Variants in RBBP4 observed in about 807,000 individuals in gnomAD.
The protein encoded by RBBP4 is RB binding protein 4, chromatin remodeling factor.
A neutral mutation model predicts 57.2 loss-of-function variants in RBBP4; 3 were observed. The observed-to-expected ratio is 0.05, with a 90% confidence interval of 0.02 to 0.14. RBBP4 has a LOEUF of 0.14. RBBP4 is among the 10% of genes least tolerant of loss of function. The probability of loss-of-function intolerance (pLI) is 1.00; values close to 1 mark genes in which losing one functional copy is unlikely to be tolerated. For synonymous variants in RBBP4, 151 were observed against 171.5 expected (o/e 0.88, Z 0.93); for missense variants, 107 against 520.6 (o/e 0.21, Z 7.73).
In RBBP4 at chr1:32,686,207, G is replaced by T. The variant is rs1649820456; in HGVS notation, c.*6502G>T. ...GTTGGGTTAAATAAAATGCATTAAAGTTAATTTCATCTGTTTCTTTTTTTA... is the reference window on the plus strand; with the variant it reads ...GTTGGGTTAAATAAAATGCATTAAATTTAATTTCATCTGTTTCTTTTTTTA... On this transcript the variant is annotated 3_prime_UTR_variant, in exon 12 of 12. Coordinates refer to ENST00000373493, the MANE Select transcript of RBBP4 (RefSeq NM_005610.3). 1 of 152,186 alleles carries T rather than the reference G, an allele frequency of 6.6e-6. No individual in the cohort carries two copies. Among genetic ancestry groups the T allele is most frequent in the African/African-American group, 2.4e-5 (1 of 41,446 alleles). 9.4% of individuals were successfully genotyped at this position (152,186 alleles called of 1,614,324 possible). A position where few individuals can be genotyped will look rare whatever the true frequency, so the allele number is the denominator to read the frequency against.
chr1:32,673,921 A>G (rs1177737603), intron 11 of RBBP4, among the ~76,000 whole-genome samples: 1 of 151,268 alleles, frequency 6.6e-6, no homozygotes, highest in Non-Finnish European at 1.5e-5. Context: ...ACACAGTGAA[A>G]CCCCATCTGT....
intron 11 of RBBP4, among the ~76,000 whole-genome samples, chr1:32,676,864 TC>T (rs1419421003): frequency 6.6e-6 from 1 of 151,614 alleles, no homozygotes; most frequent in Non-Finnish European, 1.5e-5. Context: ...GCTAGCGTGA[TC>T]CCAGGAGGCA....
In RBBP4 at chr1:32,657,624, T is replaced by C. The variant is rs139787368; in HGVS notation, c.310+52T>C. On this transcript the variant is annotated intron_variant, in intron 3 of 11. Transcript: ENST00000373493. The stretch of plus-strand genomic sequence containing the variant: ...AAAGATGTGTGGGTCATATCTGTTA[T>C]GTGCACTTTGATAAAGTAAACTCTG... 10 of 1,555,264 alleles carry C rather than the reference T, an allele frequency of 6.4e-6. No homozygotes were observed. The African/African-American group carries it at 8.2e-5, about 13-fold the overall frequency.
Position 32,684,636 on chromosome 1 carries a change from AG to A in RBBP4, c.*4934del, listed in dbSNP as rs1180829772. 2.2e-6 allele frequency: 1 copy of A among 461,296 alleles called. No individual in the cohort carries two copies. Among genetic ancestry groups the A allele is most frequent in the African/African-American group, 2.0e-5 (1 of 50,630 alleles). 28.6% of individuals were successfully genotyped at this position (461,296 alleles called of 1,614,324 possible). On this transcript the variant is annotated 3_prime_UTR_variant, in exon 12 of 12. Coordinates refer to ENST00000373493, the MANE Select transcript of RBBP4 (RefSeq NM_005610.3). ...CAGCTTGCTTTAATAGAATCCTGGG[AG>A]GGTGATTGGGACTTTTTAGTATTAC...
chr1:32,663,776 C>T (rs12410104), intron 3 of RBBP4, among the ~76,000 whole-genome samples: 16,793 of 151,382 alleles, frequency 0.11, 1,717 homozygotes, highest in African/African-American at 0.26. Flanking sequence ...CGGGGTTTCA[C>T]GGTGTTAGCC....
rs552726162 is a variant in RBBP4 at position 32,685,011 on chromosome 1, C to CTTT, written c.*5310_*5312dup. 1 of 147,184 alleles carries CTTT rather than the reference C, an allele frequency of 6.8e-6. No homozygotes were observed. Among genetic ancestry groups the CTTT allele is most frequent in the African/African-American group, 2.7e-5 (1 of 37,606 alleles). 9.1% of individuals were successfully genotyped at this position (147,184 alleles called of 1,614,324 possible). On this transcript the variant is annotated 3_prime_UTR_variant, in exon 12 of 12. Coordinates refer to ENST00000373493, the MANE Select transcript of RBBP4 (RefSeq NM_005610.3). Reference sequence around the variant, plus strand: ...TATCCTATTGCTAATTTCCTGCATCCTTTTTTCTTCTTTATTTTTGTATAG... The same window carrying CTTT: ...TATCCTATTGCTAATTTCCTGCATCCTTTTTTTTTCTTCTTTATTTTTGTATAG...
chr1:32,668,319 G>A lies in RBBP4; in HGVS notation c.405G>A (p.Gln135=), dbSNP rs1302460777. ...TAAACAGGGCCCGTTATATGCCCCA[G>A]AACCCTTGTATCATCGCAACAAAGA... ...GEVNRARYMP[Q]NPCIIATKTP... The change falls in exon 4 of 12, where the codon CAG becomes CAA. Residue 135 remains glutamine, a synonymous_variant. Coordinates refer to ENST00000373493, the MANE Select transcript of RBBP4 (RefSeq NM_005610.3). 13 of 1,609,954 alleles carry A rather than the reference G, an allele frequency of 8.1e-6. No homozygotes were observed. The highest frequency in any genetic ancestry group is 1.1e-5 in the Non-Finnish European group (13 of 1,176,356).
chr1:32,666,285 C>T (rs1390326968), intron 3 of RBBP4, among the ~76,000 whole-genome samples: 3 of 152,114 alleles, frequency 2.0e-5, no homozygotes, highest in African/African-American at 7.2e-5. Context: ...ACACTGTGTA[C>T]TTAATATTCA....
chr1:32,655,468 C>T (rs934952283), intron 2 of RBBP4, among the ~76,000 whole-genome samples: 1 of 152,190 alleles, frequency 6.6e-6, no homozygotes, highest in Non-Finnish European at 1.5e-5. Flanking sequence ...GTCTAACCTT[C>T]TACATACAGG....
At chr1:32,677,625 C>T (rs1241692584) in intron 11 of RBBP4, among the ~76,000 whole-genome samples, 2 of 152,058 alleles carry the variant, frequency 1.3e-5, no homozygotes, top group East Asian at 3.8e-4. Flanking sequence ...GTGCAGGTAG[C>T]CTGGGACCAG....
chr1:32,657,916 G>A (rs1264413982), intron 3 of RBBP4, among the ~76,000 whole-genome samples: 1 of 152,052 alleles, frequency 6.6e-6, no homozygotes, highest in Non-Finnish European at 1.5e-5. Flanking sequence ...GTAGTGGCAC[G>A]ATCTTCTCTC....
At chr1:32,670,959 C>G (rs1648850515) in intron 8 of RBBP4, among the ~76,000 whole-genome samples, 1 of 152,162 alleles carries the variant, frequency 6.6e-6, no homozygotes, top group Non-Finnish European at 1.5e-5. Context: ...TATCTCTTTG[C>G]TTTGCTTGTG....
rs959833890 is a variant in RBBP4 at position 32,674,719 on chromosome 1, A to AT, written c.1212+1828dup. Among the ~76,000 whole-genome samples the AT allele has an allele frequency of 2.0e-3, 290 of 146,640 alleles. No homozygotes were observed. The Middle Eastern group carries it at 0.021, about 11-fold the overall frequency. On this transcript the variant is annotated intron_variant, in intron 11 of 11. Coordinates refer to ENST00000373493, the MANE Select transcript of RBBP4 (RefSeq NM_005610.3). ...GTACTTTCTTACTTTTTATTTCTTT[A>AT]TTTTTTTTTTAATTTTTTTTTTTTC... is the stretch of plus-strand genomic sequence containing the variant.
chr1:32,683,795 G>T lies in RBBP4; in HGVS notation c.*4090G>T, dbSNP rs142023333. 132 of 512,848 alleles carry T rather than the reference G, an allele frequency of 2.6e-4. 1 individual carries two copies. Among genetic ancestry groups the T allele is most frequent in the African/African-American group, 1.9e-3 (100 of 51,764 alleles). The allele number at this position is 512,848 out of a possible 1,614,324, so 31.8% of individuals were successfully genotyped here. A position where few individuals can be genotyped will look rare whatever the true frequency, so the allele number is the denominator to read the frequency against. On this transcript the variant is annotated 3_prime_UTR_variant, in exon 12 of 12. Coordinates refer to ENST00000373493, the MANE Select transcript of RBBP4 (RefSeq NM_005610.3). ...TTATAAGTGCCTGCCACTATGCCCGGCTAATTTTTGTATTTTTAGTGGAGA... is the reference window on the plus strand; with the variant it reads ...TTATAAGTGCCTGCCACTATGCCCGTCTAATTTTTGTATTTTTAGTGGAGA...
At chr1:32,659,064 T>A (rs1648282411) in intron 3 of RBBP4, among the ~76,000 whole-genome samples, 1 of 147,540 alleles carries the variant, frequency 6.8e-6, no homozygotes, top group African/African-American at 2.5e-5. Flanking sequence ...AATATATAAA[T>A]TATATATGTA....
intron 11 of RBBP4, 120 bp from the exon 12 acceptor site, chr1:32,679,520 T>C (rs1234593122): frequency 1.2e-6 from 1 of 814,566 alleles, no homozygotes; most frequent in Non-Finnish European, 1.8e-6. Flanking sequence ...GTAACACAGA[T>C]TGTGTGGCCC....
chr1:32,672,930 G>C (rs1648936803), intron 11 of RBBP4, 29 bp downstream of exon 11: 2 of 1,507,260 alleles, frequency 1.3e-6, no homozygotes, highest in Admixed American at 3.4e-5. Flanking sequence ...ATTTTGGGGA[G>C]GTGAAATAAG....
At chr1:32,659,165 A>G (rs1203503673) in intron 3 of RBBP4, among the ~76,000 whole-genome samples, 1 of 148,856 alleles carries the variant, frequency 6.7e-6, no homozygotes, top group Non-Finnish European at 1.5e-5. Context: ...ATGTAATTTT[A>G]CACACACACA....
rs545094895 is a variant in RBBP4, at chr1:32,684,124, TG to T, written c.*4421del. On this transcript the variant is annotated 3_prime_UTR_variant, in exon 12 of 12. Transcript: ENST00000373493. ...GAGAGAGCCATTTTCCATGTGTTTTTGGATAAGCACAATTTGAAAATCATTT... is the reference window on the plus strand; with the variant it reads ...GAGAGAGCCATTTTCCATGTGTTTTTGATAAGCACAATTTGAAAATCATTT... 60 of 1,610,804 alleles carry T rather than the reference TG, an allele frequency of 3.7e-5. 1 individual carries two copies. The highest frequency in any genetic ancestry group is 1.6e-4 in the Middle Eastern group (1 of 6,064).
Sources: allele counts gnomAD v4.1 joint callset (sites outside exome capture counted in the v4.1 genomes callset), GRCh38; gene constraint gnomAD v4.1.1; transcripts MANE v1.5; gene names NCBI Gene and HGNC (gene_info 2026-07-23, HGNC 2026-07-21).